The following EYS variants were observed in gnomAD, a reference collection of about 807,000 sequenced individuals.
EYS encodes EGF-like photoreceptor maintenance factor, also known as protein eyes shut homolog.
Under a neutral mutation model 282.1 loss-of-function variants are expected in EYS, and 250 were observed. The ratio of observed to expected loss-of-function variants is 0.89; its 90% CI spans 0.80 to 0.98. The LOEUF is 0.98. Ranked by LOEUF, EYS falls within the 50% of genes least tolerant of loss-of-function variation. The pLI, the probability that EYS is intolerant of heterozygous loss-of-function variation, is 0.00. For missense variants in EYS, 4,016 were observed against 3,709.0 expected (o/e 1.08, Z -2.15); for synonymous variants, 1,355 against 1,282.9 (o/e 1.06, Z -1.20).
At chr6:64,416,825 T>A (rs1774072026) in intron 28 of EYS, among the ~76,000 whole-genome samples, 5 of 152,148 alleles carry the variant, frequency 3.3e-5, no homozygotes, top group Admixed American at 2.6e-4. Flanking sequence ...TAATGATACA[T>A]AACAAAAAAT....
chr6:64,600,067 T>G (rs1257094042), intron 24 of EYS, among the ~76,000 whole-genome samples: 1 of 152,124 alleles, frequency 6.6e-6, no homozygotes, highest in Non-Finnish European at 1.5e-5. Context: ...TGGCTTATCC[T>G]TATTTTCTAC....
intron 12 of EYS, among the ~76,000 whole-genome samples, chr6:65,215,531 A>G (rs1766291220): frequency 6.6e-6 from 1 of 152,232 alleles, no homozygotes; most frequent in Admixed American, 6.5e-5. Flanking sequence ...AGGTGCTGTG[A>G]ACATTGTTGA....
chr6:64,858,262 G>A (rs2150046640), intron 19 of EYS, among the ~76,000 whole-genome samples: 1 of 152,202 alleles, frequency 6.6e-6, no homozygotes, highest in South Asian at 2.1e-4. Context: ...TTTGTTTTGA[G>A]TTAATTTTTG....
rs971993901 is a variant in EYS, at chr6:64,320,922, T to C, written c.6079-13840A>G. Reference sequence around the variant, plus strand: ...CTTGGCTTGTAACATAAAATAAATATGCTATTTTTAAACGAAAAATTCCAC... The same window carrying C: ...CTTGGCTTGTAACATAAAATAAATACGCTATTTTTAAACGAAAAATTCCAC... On this transcript the variant is annotated intron_variant, in intron 29 of 42. Coordinates refer to ENST00000503581, the MANE Select transcript of EYS (RefSeq NM_001142800.2). Among the ~76,000 whole-genome samples, 3 of 151,810 alleles carry C rather than the reference T, an allele frequency of 2.0e-5. 1 individual carries two copies. Among genetic ancestry groups the C allele is most frequent in the South Asian group, 4.1e-4 (2 of 4,826 alleles).
chr6:64,927,108 C>G (rs1365865962), intron 15 of EYS, among the ~76,000 whole-genome samples: 1 of 152,088 alleles, frequency 6.6e-6, no homozygotes, highest in Non-Finnish European at 1.5e-5. Flanking sequence ...TAAACTGATT[C>G]TGCATGAAAA....
intron 36 of EYS, among the ~76,000 whole-genome samples, chr6:63,832,940 A>G (rs1197174830): frequency 6.6e-6 from 1 of 152,232 alleles, no homozygotes; most frequent in Non-Finnish European, 1.5e-5. Context: ...GGAATCCATC[A>G]TATAAACAGA....
At chr6:65,240,194 T>C (rs1157135672) in intron 12 of EYS, among the ~76,000 whole-genome samples, 3 of 152,106 alleles carry the variant, frequency 2.0e-5, no homozygotes, top group Non-Finnish European at 4.4e-5. Context: ...GGTCTTGATC[T>C]CCTGACCTTG....
intron 19 of EYS, among the ~76,000 whole-genome samples, chr6:64,835,079 A>G (rs376080670): frequency 1.6e-4 from 25 of 151,926 alleles, no homozygotes; most frequent in African/African-American, 6.0e-4. Flanking sequence ...GGCTCTTGGA[A>G]GAAAAAAAAT....
intron 36 of EYS, among the ~76,000 whole-genome samples, chr6:63,859,656 A>G (rs867549584): frequency 1.1e-4 from 16 of 151,976 alleles, no homozygotes; most frequent in African/African-American, 3.9e-4. Context: ...AAAAAAAAAA[A>G]AGAAGAGATT....
intron 33 of EYS, among the ~76,000 whole-genome samples, chr6:64,033,846 C>CTCTA (rs1486924860): frequency 2.1e-5 from 3 of 140,280 alleles, no homozygotes; most frequent in Admixed American, 2.1e-4. Context: ...CTCTCTCTCT[C>CTCTA]TATATATATA....
intron 22 of EYS, among the ~76,000 whole-genome samples, chr6:64,689,365 A>C (rs1370691948): frequency 6.6e-6 from 1 of 152,212 alleles, no homozygotes; most frequent in African/African-American, 2.4e-5. Flanking sequence ...TCAGATAGGA[A>C]GAATCAATAT....
chr6:64,878,757 AT>A (rs199550207), intron 19 of EYS, among the ~76,000 whole-genome samples: 46 of 148,164 alleles, frequency 3.1e-4, no homozygotes, highest in Admixed American at 8.1e-4. Context: ...GGAAATAAGG[AT>A]TTTTTTTTTT....
In EYS at chr6:64,407,380, T is replaced by C. The variant is rs553307060; in HGVS notation, c.5928-18540A>G. On this transcript the variant is annotated intron_variant, in intron 28 of 42. Coordinates refer to ENST00000503581, the MANE Select transcript of EYS (RefSeq NM_001142800.2). ...GGTTGATGGGTGCAACAAAGCACCA[T>C]GGCACATGTATACCTATGTAACAAA... Among the ~76,000 whole-genome samples, 4 of 152,230 alleles carry C rather than the reference T, an allele frequency of 2.6e-5. No homozygotes were observed. In the East Asian group the frequency reaches 7.7e-4, roughly 29 times the overall value.
chr6:65,139,044 A>C (rs1303238927), intron 12 of EYS, among the ~76,000 whole-genome samples: 1 of 152,080 alleles, frequency 6.6e-6, no homozygotes, highest in Non-Finnish European at 1.5e-5. Flanking sequence ...AAAGAACTTA[A>C]AACAGAATTA....
intron 26 of EYS, among the ~76,000 whole-genome samples, chr6:64,441,496 G>T (rs1157027984): frequency 6.6e-6 from 1 of 152,120 alleles, no homozygotes; most frequent in African/African-American, 2.4e-5. Flanking sequence ...TGAACACAAA[G>T]CACAATCAAA....
chr6:64,994,314 T>C (rs1771175790), intron 14 of EYS, among the ~76,000 whole-genome samples: 1 of 152,142 alleles, frequency 6.6e-6, no homozygotes, highest in Admixed American at 6.6e-5. Context: ...TGAAGTCTTC[T>C]TATTTTCTGC....
At chr6:64,014,403 A>G (rs1768790357) in intron 33 of EYS, among the ~76,000 whole-genome samples, 2 of 152,040 alleles carry the variant, frequency 1.3e-5, no homozygotes, top group South Asian at 4.1e-4. Flanking sequence ...CAGTTTCCAA[A>G]TGGTTGGTAC....
rs1465944063 is a variant in EYS at position 64,797,876 on chromosome 6, A to G, written c.3443+15502T>C. On this transcript the variant is annotated intron_variant, in intron 22 of 42. Coordinates refer to ENST00000503581, the MANE Select transcript of EYS (RefSeq NM_001142800.2). ...CAAATTGTCTATTTATGTTGCCAACAAGCCAGATGACATTCAGAGCTTCCT... is the reference window on the plus strand; with the variant it reads ...CAAATTGTCTATTTATGTTGCCAACGAGCCAGATGACATTCAGAGCTTCCT... Among the ~76,000 whole-genome samples, 3 of 152,014 alleles carry G rather than the reference A, an allele frequency of 2.0e-5. No homozygotes were observed. In the East Asian group the frequency reaches 5.8e-4, roughly 29 times the overall value.
chr6:65,508,804 C>A (rs1766756755), intron 2 of EYS, among the ~76,000 whole-genome samples: 1 of 152,152 alleles, frequency 6.6e-6, no homozygotes, highest in Admixed American at 6.5e-5. Flanking sequence ...AACTCTTCCT[C>A]ACTGGAGAGT....
Sources: gnomAD v4.1 joint callset for allele counts (sites outside exome capture counted in the v4.1 genomes callset) on GRCh38, gnomAD v4.1.1 for gene constraint, MANE v1.5 for transcripts, NCBI Gene and HGNC (gene_info 2026-07-23, HGNC 2026-07-21) for gene names.